MYRIP: variants seen among roughly 807,000 people sequenced by gnomAD.
MYRIP encodes the protein rab effector MyRIP.
In MYRIP, 49 loss-of-function variants were observed where a neutral mutation model predicts 98.0. The observed-to-expected ratio is 0.50, with a 90% CI of 0.40 to 0.63. The LOEUF (loss-of-function observed/expected upper bound fraction) is 0.63. MYRIP is among the 30% of genes least tolerant of loss of function. The pLI is 0.00. For missense variants in MYRIP, 1,004 were observed against 1,058.2 expected (o/e 0.95, Z 0.71); for synonymous variants, 404 against 409.5 (o/e 0.99, Z 0.16).
chr3:40,093,209 C>T (rs904630406), intron 3 of MYRIP, among the ~76,000 whole-genome samples: 4 of 152,200 alleles, frequency 2.6e-5, no homozygotes, highest in African/African-American at 4.8e-5. Flanking sequence ...TCAGTGTCAT[C>T]GGGCTAGACA....
At chr3:40,166,788 C>G in intron 5 of MYRIP, 58 bp from the exon 6 acceptor site, 1 of 1,172,760 alleles carries the variant, frequency 8.5e-7, no homozygotes, top group Non-Finnish European at 1.3e-6. Flanking sequence ...AGAGCTTGAA[C>G]AATCGTTTTA....
At chr3:40,064,574 T>A (rs1477154711) in intron 3 of MYRIP, among the ~76,000 whole-genome samples, 1 of 152,154 alleles carries the variant, frequency 6.6e-6, no homozygotes, top group Non-Finnish European at 1.5e-5. Flanking sequence ...AAGGCAACAA[T>A]GTAAAACAAA....
At chr3:40,228,034 AC>A (rs564927746) in intron 11 of MYRIP, among the ~76,000 whole-genome samples, 1 of 152,014 alleles carries the variant, frequency 6.6e-6, no homozygotes, top group South Asian at 2.1e-4. Flanking sequence ...AGACCACAGC[AC>A]CCCCAATTGT....
chr3:40,113,440 C>T (rs1227248052), intron 3 of MYRIP, among the ~76,000 whole-genome samples: 1 of 152,120 alleles, frequency 6.6e-6, no homozygotes, highest in Admixed American at 6.5e-5. Flanking sequence ...CCACCATGCC[C>T]AGCCAAGAAG....
chr3:40,007,876 C>A (rs1054046897), intron 2 of MYRIP, among the ~76,000 whole-genome samples: 3 of 152,184 alleles, frequency 2.0e-5, no homozygotes, highest in Admixed American at 6.5e-5. Context: ...TGAGGCTCAT[C>A]CACATTATGC....
At chr3:39,924,211 T>A (rs1472379038) in intron 2 of MYRIP, among the ~76,000 whole-genome samples, 3 of 152,058 alleles carry the variant, frequency 2.0e-5, no homozygotes, top group Admixed American at 6.6e-5. Flanking sequence ...AAAAAACATA[T>A]CCTAGTCATA....
rs574567149 is a variant in MYRIP at position 39,824,119 on chromosome 3, C to T, written c.-31+14203C>T. Among the ~76,000 whole-genome samples, 21 of 152,236 alleles carry T rather than the reference C, an allele frequency of 1.4e-4. 1 individual carries two copies. The highest frequency in any genetic ancestry group is 6.2e-4 in the South Asian group (3 of 4,820). Reference sequence around the variant, plus strand: ...ATAATTTAAGAGATTATCCTTTCCTCGGTGAATGCTCTTGGTGCCTTTGTC... The same window carrying T: ...ATAATTTAAGAGATTATCCTTTCCTTGGTGAATGCTCTTGGTGCCTTTGTC... On this transcript the variant is annotated intron_variant, in intron 1 of 16. Transcript: ENST00000302541.
intron 3 of MYRIP, among the ~76,000 whole-genome samples, chr3:40,138,391 T>G (rs59113417): frequency 0.037 from 5,672 of 152,290 alleles, 239 homozygotes; most frequent in East Asian, 0.25. Flanking sequence ...ACTGTAGCTC[T>G]AAGGACTTTA....
At chr3:39,832,823 T>C (rs533696602) in intron 1 of MYRIP, among the ~76,000 whole-genome samples, 2 of 152,318 alleles carry the variant, frequency 1.3e-5, no homozygotes, top group South Asian at 4.1e-4. Flanking sequence ...CCTGAATATA[T>C]ATCTTTAGGA....
chr3:40,074,272 C>A (rs2125862172), intron 3 of MYRIP, among the ~76,000 whole-genome samples: 1 of 152,122 alleles, frequency 6.6e-6, no homozygotes, highest in South Asian at 2.1e-4. Context: ...GACAGGGTTT[C>A]ACCGTGTTAG....
intron 2 of MYRIP, among the ~76,000 whole-genome samples, chr3:39,934,904 C>T (rs963092189): frequency 2.0e-5 from 3 of 152,168 alleles, no homozygotes; most frequent in Non-Finnish European, 2.9e-5. Flanking sequence ...AATACCTCCC[C>T]TCTAGTCCCA....
chr3:40,155,872 A>C (rs1340967912), intron 4 of MYRIP, among the ~76,000 whole-genome samples: 7 of 151,074 alleles, frequency 4.6e-5, no homozygotes, highest in African/African-American at 1.5e-4. Context: ...GTTTGAGTTC[A>C]TTGTAGATTC....
intron 1 of MYRIP, among the ~76,000 whole-genome samples, chr3:39,887,268 C>T (rs1254216015): frequency 2.0e-5 from 3 of 151,584 alleles, no homozygotes; most frequent in African/African-American, 7.3e-5. Context: ...CCTAACATCA[C>T]AATTAAAAGA....
At chr3:40,139,032 C>G (rs1949840163) in intron 3 of MYRIP, among the ~76,000 whole-genome samples, 1 of 152,166 alleles carries the variant, frequency 6.6e-6, no homozygotes, top group Admixed American at 6.5e-5. Flanking sequence ...TCTATGAGAT[C>G]AATTTATTTA....
chr3:39,966,353 T>C (rs1466701548), intron 2 of MYRIP, among the ~76,000 whole-genome samples: 2 of 152,176 alleles, frequency 1.3e-5, no homozygotes, highest in Non-Finnish European at 2.9e-5. Flanking sequence ...AGGTTACAGA[T>C]AATACGCATT....
chr3:40,183,915 G>A (rs1950958668), intron 9 of MYRIP, among the ~76,000 whole-genome samples: 1 of 152,170 alleles, frequency 6.6e-6, no homozygotes, highest in Non-Finnish European at 1.5e-5. Flanking sequence ...TTACGACAGT[G>A]CAAAGAATCA....
intron 1 of MYRIP, among the ~76,000 whole-genome samples, chr3:39,815,878 T>C (rs1192067508): frequency 7.5e-6 from 1 of 133,678 alleles, no homozygotes; most frequent in African/African-American, 2.8e-5. Context: ...CTTTTGGTAT[T>C]CTAATAGCGT....
chr3:40,034,827 T>C (rs1947341440), intron 2 of MYRIP, among the ~76,000 whole-genome samples: 1 of 151,844 alleles, frequency 6.6e-6, no homozygotes, highest in Non-Finnish European at 1.5e-5. Context: ...CCAACCCAAA[T>C]GTCCAACAAT....
intron 2 of MYRIP, among the ~76,000 whole-genome samples, chr3:40,036,324 A>AAAAAAAAT (rs1553607293): frequency 8.0e-6 from 1 of 125,628 alleles, no homozygotes; most frequent in Admixed American, 8.8e-5. Context: ...AAAAAAAAAA[A>AAAAAAAAT]CTTTATTCAA....
Sources: gnomAD v4.1 joint callset for allele counts (sites outside exome capture counted in the v4.1 genomes callset) on GRCh38, gnomAD v4.1.1 for gene constraint, MANE v1.5 for transcripts, NCBI Gene and HGNC (gene_info 2026-07-23, HGNC 2026-07-21) for gene names.